FBXO25: variants seen among roughly 807,000 people sequenced by gnomAD.
FBXO25 encodes the protein F-box protein 25, also known as F-box only protein 25.
Under a neutral mutation model 51.9 loss-of-function variants are expected in FBXO25, and 45 were observed. The observed-to-expected ratio is 0.87, with a 90% CI of 0.68 to 1.11. The LOEUF is 1.11. Ranked by LOEUF, FBXO25 falls within the 50% of genes most tolerant of loss-of-function variation. The pLI, the probability that FBXO25 is intolerant of heterozygous loss-of-function variation, is 0.00. For missense variants in FBXO25, 507 were observed against 428.5 expected, an observed-to-expected ratio of 1.18 and a Z score of -1.62; for synonymous variants, 199 against 151.0, an observed-to-expected ratio of 1.32 and a Z score of -2.33.
At chr8:436,030 G>A (rs989754340) in intron 5 of FBXO25, among the ~76,000 whole-genome samples, 9 of 152,232 alleles carry the variant, frequency 5.9e-5, no homozygotes, top group African/African-American at 1.4e-4. Context: ...GTGATAGAAC[G>A]GTCGTGGGAT....
At chr8:468,442 C>G (rs1291361074) in intron 9 of FBXO25, among the ~76,000 whole-genome samples, 1 of 152,266 alleles carries the variant, frequency 6.6e-6, no homozygotes, top group East Asian at 1.9e-4. Context: ...CAGCAGCTGG[C>G]TCCTCTGACT....
chr8:435,171 C>T (rs1798028555), intron 4 of FBXO25, among the ~76,000 whole-genome samples: 1 of 152,166 alleles, frequency 6.6e-6, no homozygotes, highest in African/African-American at 2.4e-5. Context: ...GCATGCCTCC[C>T]CTGCAGAGAA....
rs2116857526 is a variant in FBXO25, at chr8:467,627, T to C, written c.988-1088T>C. ...ATAATATGAATCAAACCTGAATGCT[T>C]AGATACACTCTGGCTCTTTCTAATC... On this transcript the variant is annotated intron_variant, in intron 9 of 9. Coordinates refer to ENST00000350302, the MANE Select transcript of FBXO25 (RefSeq NM_183420.2). The C allele has an allele frequency of 2.4e-6, 3 of 1,250,876 alleles. No individual in the cohort carries two copies. In the South Asian group the frequency reaches 3.7e-5, roughly 15 times the overall value. The allele number at this position is 1,250,876 out of a possible 1,614,324, so 77.5% of individuals were successfully genotyped here. A position where few individuals can be genotyped will look rare whatever the true frequency, so the allele number is the denominator to read the frequency against.
intron 7 of FBXO25, 37 bp from the exon 8 acceptor site, chr8:458,332 A>G: frequency 1.9e-6 from 3 of 1,599,136 alleles, no homozygotes; most frequent in East Asian, 2.2e-5. Flanking sequence ...AACATTGGCC[A>G]TCTTCTCAGT....
At chr8:435,302 T>A (rs921229905) in intron 4 of FBXO25, 5 of 351,508 alleles carry the variant, frequency 1.4e-5, no homozygotes, top group Admixed American at 4.8e-5. Flanking sequence ...GATCTTAGCT[T>A]TAACGTCGTC....
In FBXO25 at chr8:471,281, A is replaced by G. The variant is rs1034078259; in HGVS notation, c.*2477A>G. On this transcript the variant is annotated 3_prime_UTR_variant, in exon 10 of 10. Transcript: ENST00000350302. ...GGCTTACATTGCTGGGGAGAGATTG[A>G]AAGGTTAATGGAGGGTATAAGGACA... 2.0e-5 allele frequency: 3 copies of G among 152,212 alleles called. No homozygotes were observed. Among genetic ancestry groups the G allele is most frequent in the Admixed American group, 2.0e-4 (3 of 15,272 alleles). The allele number at this position is 152,212 out of a possible 1,614,324, so 9.4% of individuals were successfully genotyped here. A position where few individuals can be genotyped will look rare whatever the true frequency, so the allele number is the denominator to read the frequency against.
chr8:428,000 C>A (rs955240289), intron 2 of FBXO25, among the ~76,000 whole-genome samples: 4 of 152,090 alleles, frequency 2.6e-5, no homozygotes, highest in Admixed American at 6.6e-5. Flanking sequence ...GAAATACCAT[C>A]AGAGGAAAAT....
intron 2 of FBXO25, among the ~76,000 whole-genome samples, chr8:415,849 A>G (rs1436707679): frequency 1.3e-5 from 2 of 152,190 alleles, no homozygotes; most frequent in African/African-American, 4.8e-5. Flanking sequence ...AATACTATAT[A>G]TCTTTAAGAA....
rs1033765242 is a variant in FBXO25 at position 473,159 on chromosome 8, T to G, written c.*4355T>G. 1 of 152,384 alleles carries G rather than the reference T, an allele frequency of 6.6e-6. No individual in the cohort carries two copies. Among genetic ancestry groups the G allele is most frequent in the Non-Finnish European group, 1.5e-5 (1 of 68,178 alleles). 9.4% of individuals were successfully genotyped at this position (152,384 alleles called of 1,614,324 possible). A position where few individuals can be genotyped will look rare whatever the true frequency, so the allele number is the denominator to read the frequency against. ...CCACTCCTTATCCCTTCCTGTTGTT[T>G]CTGCATAGAGGAGGCAGACCCTCAA... On this transcript the variant is annotated 3_prime_UTR_variant, in exon 10 of 10. Transcript: ENST00000350302.
intron 2 of FBXO25, among the ~76,000 whole-genome samples, chr8:414,565 C>A (rs947053558): frequency 2.6e-5 from 4 of 152,094 alleles, no homozygotes; most frequent in Non-Finnish European, 4.4e-5. Context: ...TTCTTTTTCC[C>A]ATCATCTCAA....
intron 2 of FBXO25, among the ~76,000 whole-genome samples, chr8:428,918 A>G (rs1797654737): frequency 6.6e-6 from 1 of 152,196 alleles, no homozygotes; most frequent in African/African-American, 2.4e-5. Context: ...AGTGTACACC[A>G]CATTTTGCTT....
chr8:426,554 G>A (rs528950746), intron 2 of FBXO25, among the ~76,000 whole-genome samples: 1,103 of 152,188 alleles, frequency 7.2e-3, no homozygotes, highest in Non-Finnish European at 9.9e-3. Context: ...TAGGGAGTGT[G>A]GTGGTCCAAG....
intron 2 of FBXO25, among the ~76,000 whole-genome samples, chr8:422,156 CCCA>C (rs1326920204): frequency 6.6e-6 from 1 of 152,150 alleles, no homozygotes; most frequent in African/African-American, 2.4e-5. Context: ...CAAGTCTCCC[CCCA>C]AATAGCTATT....
At chr8:445,004 C>A (rs1273658776) in intron 5 of FBXO25, among the ~76,000 whole-genome samples, 1 of 152,176 alleles carries the variant, frequency 6.6e-6, no homozygotes, top group Non-Finnish European at 1.5e-5. Context: ...AACAAATGTT[C>A]ATTAAATTCC....
rs570256544 is a variant in FBXO25 at position 418,484 on chromosome 8, C to G, written c.134+5271C>G. Reference sequence around the variant, plus strand: ...CCTCCTGAGTAGCTGGGACTACAGGCGCCCACCACCACACCTGGCTAATTT... The same window carrying G: ...CCTCCTGAGTAGCTGGGACTACAGGGGCCCACCACCACACCTGGCTAATTT... On this transcript the variant is annotated intron_variant, in intron 2 of 9. Transcript: ENST00000350302. Among the ~76,000 whole-genome samples the G allele has an allele frequency of 2.6e-5, 4 of 151,622 alleles. No individual in the cohort carries two copies. In the East Asian group the frequency reaches 7.8e-4, roughly 29 times the overall value.
chr8:471,340 T>C lies in FBXO25; in HGVS notation c.*2536T>C, dbSNP rs1450340707. 6.6e-6 allele frequency: 1 copy of C among 152,164 alleles called. No homozygotes were observed. Among genetic ancestry groups the C allele is most frequent in the Non-Finnish European group, 1.5e-5 (1 of 68,036 alleles). 9.4% of individuals were successfully genotyped at this position (152,164 alleles called of 1,614,324 possible). On this transcript the variant is annotated 3_prime_UTR_variant, in exon 10 of 10. Coordinates refer to ENST00000350302, the MANE Select transcript of FBXO25 (RefSeq NM_183420.2). Reference sequence around the variant, plus strand: ...ACAATTTTGAGGCACTGATCAGTTATTTACAGAAGATCGGACAACACCAAA... The same window carrying C: ...ACAATTTTGAGGCACTGATCAGTTACTTACAGAAGATCGGACAACACCAAA...
chr8:467,657 C>G (rs1230958745), intron 9 of FBXO25: 3 of 1,547,558 alleles, frequency 1.9e-6, no homozygotes, highest in Non-Finnish European at 2.7e-6. Flanking sequence ...CTAATCTTAA[C>G]TTTTCCTTTT....
At chr8:411,597 C>T (rs1007664285) in intron 1 of FBXO25, among the ~76,000 whole-genome samples, 4 of 152,076 alleles carry the variant, frequency 2.6e-5, no homozygotes, top group African/African-American at 4.8e-5. Context: ...TATAGAGCTC[C>T]TGTTGTTTTC....
intron 5 of FBXO25, among the ~76,000 whole-genome samples, chr8:447,319 C>T (rs1798801622): frequency 6.6e-6 from 1 of 152,046 alleles, no homozygotes; most frequent in African/African-American, 2.4e-5. Context: ...GCCCTTCCCC[C>T]AACCCTGAGG....
Sources: gnomAD v4.1 joint callset for allele counts (sites outside exome capture counted in the v4.1 genomes callset) on GRCh38, gnomAD v4.1.1 for gene constraint, MANE v1.5 for transcripts, NCBI Gene and HGNC (gene_info 2026-07-23, HGNC 2026-07-21) for gene names.